The following NINJ2 variants were observed in gnomAD, a reference collection of about 807,000 sequenced individuals.
NINJ2 encodes ninjurin 2.
NINJ2 carries 12 observed loss-of-function variants against 11.7 expected under a neutral mutation model. That is an observed-to-expected ratio of 1.02 (90% CI 0.66 to 1.66). NINJ2 has a LOEUF of 1.66. NINJ2 is among the 40% of genes most tolerant of loss of function. NINJ2 has a pLI of 0.00. For synonymous variants in NINJ2, 93 were observed against 76.8 expected (o/e 1.21, Z -1.10); for missense variants, 187 against 181.8 (o/e 1.03, Z -0.16).
chr12:643,829 ATCGCTC>A, intron 1 of NINJ2: 1 of 280,684 alleles, frequency 3.6e-6, no homozygotes, highest in Non-Finnish European at 5.4e-6. Flanking sequence ...CTACCAGCTC[ATCGCTC>A]AGGTCTTAGA....
intron 1 of NINJ2, among the ~76,000 whole-genome samples, chr12:646,871 T>C (rs1286574680): frequency 6.6e-6 from 1 of 152,202 alleles, no homozygotes; most frequent in Non-Finnish European, 1.5e-5. Context: ...ACAAGGGTTG[T>C]GGAAACAGGG....
intron 1 of NINJ2, among the ~76,000 whole-genome samples, chr12:660,248 A>G (rs1592121876): frequency 7.0e-6 from 1 of 143,408 alleles, no homozygotes; most frequent in Non-Finnish European, 1.5e-5. Context: ...AGATTGCACC[A>G]CTGCACTCCT....
intron 1 of NINJ2, among the ~76,000 whole-genome samples, chr12:657,105 A>G (rs1331973277): frequency 6.6e-6 from 1 of 152,232 alleles, no homozygotes; most frequent in Non-Finnish European, 1.5e-5. Flanking sequence ...AACTTTTTGT[A>G]TACAATACCA....
chr12:635,214 C>G (rs1948335462), intron 1 of NINJ2, among the ~76,000 whole-genome samples: 1 of 152,088 alleles, frequency 6.6e-6, no homozygotes, highest in Admixed American at 6.6e-5. Flanking sequence ...CCACCACATC[C>G]TAAATTTTGT....
At chr12:656,296 G>A (rs562506217) in intron 1 of NINJ2, among the ~76,000 whole-genome samples, 15 of 152,136 alleles carry the variant, frequency 9.9e-5, no homozygotes, top group South Asian at 2.1e-4. Context: ...CCCAGGAGGC[G>A]GAGGTTGCAG....
At chr12:607,505 C>A (rs980544388) in intron 1 of NINJ2, among the ~76,000 whole-genome samples, 24 of 152,156 alleles carry the variant, frequency 1.6e-4, no homozygotes, top group African/African-American at 5.8e-4. Flanking sequence ...AGCGCAATAT[C>A]CCAAGAAACA....
chr12:603,433 A>G (rs1947898398), intron 1 of NINJ2, among the ~76,000 whole-genome samples: 1 of 151,944 alleles, frequency 6.6e-6, no homozygotes, highest in Non-Finnish European at 1.5e-5. Flanking sequence ...ATGAAGCCCA[A>G]TTTATTTTTC....
intron 1 of NINJ2, among the ~76,000 whole-genome samples, chr12:576,342 G>A (rs1235163446): frequency 2.0e-5 from 3 of 152,218 alleles, no homozygotes; most frequent in Non-Finnish European, 4.4e-5. Flanking sequence ...GCACACCCGG[G>A]CTTTGACCCC....
intron 1 of NINJ2, among the ~76,000 whole-genome samples, chr12:612,209 A>C (rs1258107963): frequency 1.3e-5 from 2 of 152,168 alleles, no homozygotes; most frequent in African/African-American, 2.4e-5. Context: ...CTGCACGCAG[A>C]CTATTACACA....
chr12:568,371 G>A (rs990818559), intron 1 of NINJ2, among the ~76,000 whole-genome samples: 5 of 152,160 alleles, frequency 3.3e-5, no homozygotes, highest in African/African-American at 7.2e-5. Context: ...TTCTCCTAAC[G>A]TTTGCCTTCA....
chr12:648,078 T>C (rs1208197303), intron 1 of NINJ2, among the ~76,000 whole-genome samples: 1 of 152,134 alleles, frequency 6.6e-6, no homozygotes, highest in Admixed American at 6.5e-5. Context: ...AGTCAACAAA[T>C]ACATTTTTTT....
At position 657,591 on chromosome 12, in the gene NINJ2, A is replaced by T. The variant is rs561435913; in HGVS notation, c.33+5737T>A. Among the ~76,000 whole-genome samples, 14 of 152,292 alleles carry T rather than the reference A, an allele frequency of 9.2e-5. No homozygotes were observed. The South Asian group carries it at 1.7e-3, about 18-fold the overall frequency. Reference sequence around the variant, plus strand: ...AAGACAGAGCGAGACTCCTTCTCAAAAAATAAATAAATAAATAAGTAACCC... The same window carrying T: ...AAGACAGAGCGAGACTCCTTCTCAATAAATAAATAAATAAATAAGTAACCC... On this transcript the variant is annotated intron_variant, in intron 1 of 3. Coordinates refer to ENST00000305108, the MANE Select transcript of NINJ2 (RefSeq NM_016533.6).
At chr12:654,902 A>G (rs972197718) in intron 1 of NINJ2, among the ~76,000 whole-genome samples, 1 of 151,856 alleles carries the variant, frequency 6.6e-6, no homozygotes, top group African/African-American at 2.4e-5. Flanking sequence ...AAAAAAAAAA[A>G]AAGAGAATAA....
At chr12:617,644 G>A (rs1183430004) in intron 1 of NINJ2, among the ~76,000 whole-genome samples, 1 of 152,164 alleles carries the variant, frequency 6.6e-6, no homozygotes, top group East Asian at 1.9e-4. Flanking sequence ...ACAGAAGGCC[G>A]GCTGGCTGAG....
intron 1 of NINJ2, among the ~76,000 whole-genome samples, chr12:626,389 G>A (rs146566886): frequency 6.6e-6 from 1 of 152,314 alleles, no homozygotes; most frequent in East Asian, 1.9e-4. Context: ...TTAGGCGCTG[G>A]ACTCCTGGTT....
chr12:595,642 A>C (rs1034686023), intron 1 of NINJ2, among the ~76,000 whole-genome samples: 1 of 152,040 alleles, frequency 6.6e-6, no homozygotes, highest in African/African-American at 2.4e-5. Flanking sequence ...AATCCCAGTT[A>C]CTCGGGAGGC....
At chr12:589,100 G>A (rs1947683971) in intron 1 of NINJ2, among the ~76,000 whole-genome samples, 1 of 152,306 alleles carries the variant, frequency 6.6e-6, no homozygotes, top group South Asian at 2.1e-4. Context: ...GCTATTCCAT[G>A]CATCATTATT....
chr12:663,413 T>G lies in NINJ2; in HGVS notation c.-53A>C. The G allele has an allele frequency of 6.2e-7, 1 of 1,614,136 alleles. No individual in the cohort carries two copies. The highest frequency in any genetic ancestry group is 8.5e-7 in the Non-Finnish European group (1 of 1,179,992). On this transcript the variant is annotated 5_prime_UTR_variant, in exon 1 of 4. Coordinates refer to ENST00000305108, the MANE Select transcript of NINJ2 (RefSeq NM_016533.6). The stretch of plus-strand genomic sequence containing the variant: ...CACCGGGTGCCGGGAACAGACTGCG[T>G]GGGCTCCTCCAGGCTCCGCCGTCTG...
intron 1 of NINJ2, chr12:644,412 C>T (rs1471332639): frequency 6.6e-6 from 1 of 152,156 alleles, no homozygotes; most frequent in Non-Finnish European, 1.5e-5. Flanking sequence ...AATACTACTG[C>T]TATTCCCATT....
Sources: gnomAD v4.1 joint callset for allele counts (sites outside exome capture counted in the v4.1 genomes callset) on GRCh38, gnomAD v4.1.1 for gene constraint, MANE v1.5 for transcripts, NCBI Gene and HGNC (gene_info 2026-07-23, HGNC 2026-07-21) for gene names.